The following ANPEP variants were observed in gnomAD, a reference collection of about 807,000 sequenced individuals.
The protein encoded by ANPEP is alanyl aminopeptidase, membrane.
Under a neutral mutation model 114.6 loss-of-function variants are expected in ANPEP, and 70 were observed. That is an observed-to-expected ratio of 0.61 (90% confidence interval 0.50 to 0.75). The LOEUF (loss-of-function observed/expected upper bound fraction) is 0.75. ANPEP is among the 30% of genes least tolerant of loss of function. ANPEP has a pLI of 0.00. For missense variants in ANPEP, 1,184 were observed against 1,259.5 expected (o/e 0.94, Z 0.91); for synonymous variants, 548 against 522.3 (o/e 1.05, Z -0.67).
rs25652 is a variant in ANPEP, at chr15:89,792,303, G to T, written c.2385C>A (p.Thr795=). 3.1e-6 allele frequency: 5 copies of T among 1,614,058 alleles called. No homozygotes were observed. The South Asian group carries it at 5.5e-5, about 18-fold the overall frequency. The change falls in exon 18 of 21, where the codon ACC becomes ACA. Residue 795 remains threonine, a synonymous_variant. Coordinates refer to ENST00000300060, the MANE Select transcript of ANPEP (RefSeq NM_001150.3). ...NNPIHPNLRS[T]VYCNAIAQGG... is the part of the protein sequence containing the mutation. ...CCTGGGCGATAGCGTTGCAGTAGACGGTGGACCGCAGGTTGGGGTGGATCC... is the reference window on the plus strand; with the variant it reads ...CCTGGGCGATAGCGTTGCAGTAGACTGTGGACCGCAGGTTGGGGTGGATCC...
intron 1 of ANPEP, among the ~76,000 whole-genome samples, chr15:89,810,162 G>A (rs573094770): frequency 1.1e-4 from 16 of 152,020 alleles, no homozygotes; most frequent in Non-Finnish European, 1.6e-4. Context: ...GGCAGATCAC[G>A]AGGTCAGGAG....
At chr15:89,790,871 G>T (rs1348597115) in intron 19 of ANPEP, 82 bp downstream of exon 19, 12 of 1,528,998 alleles carry the variant, frequency 7.8e-6, no homozygotes, top group Non-Finnish European at 9.7e-6. Flanking sequence ...TAGTGCCCCC[G>T]GCGTGTCTTA....
At chr15:89,793,918 C>T (rs1335205668) in intron 15 of ANPEP, among the ~76,000 whole-genome samples, 1 of 152,112 alleles carries the variant, frequency 6.6e-6, no homozygotes, top group Non-Finnish European at 1.5e-5. Flanking sequence ...GTAAGCCCCA[C>T]CCCATGCTAG....
chr15:89,801,879 T>A (rs1042649874), intron 10 of ANPEP, among the ~76,000 whole-genome samples: 1 of 151,798 alleles, frequency 6.6e-6, no homozygotes. Flanking sequence ...AGGGAGGGGG[T>A]GCCCAGGATG....
At chr15:89,798,407 C>T (rs1316978160) in intron 14 of ANPEP, among the ~76,000 whole-genome samples, 1 of 152,118 alleles carries the variant, frequency 6.6e-6, no homozygotes, top group Non-Finnish European at 1.5e-5. Context: ...GATGGCAAGG[C>T]AGGTGGATCA....
rs1301279053 is a variant in ANPEP, at chr15:89,790,883, C to A, written c.2669+70G>T. 2 of 1,573,412 alleles carry A rather than the reference C, an allele frequency of 1.3e-6. 1 individual carries two copies. The highest frequency in any genetic ancestry group is 1.7e-6 in the Non-Finnish European group (2 of 1,157,132). ...GGTTAGTGCCCCCGGCGTGTCTTAC[C>A]CGCACAGGCCACCCCCCGGGGCCCC... On this transcript the variant is annotated intron_variant, in intron 19 of 20. Coordinates refer to ENST00000300060, the MANE Select transcript of ANPEP (RefSeq NM_001150.3).
chr15:89,806,391 AGGTGGTGGCCGAGGCGGGGTT>A lies in ANPEP; in HGVS notation c.172_192del (p.Asn58_Thr64del), dbSNP rs753133058. On this transcript the variant is annotated inframe_deletion, in exon 2 of 21. Transcript: ENST00000300060. This position sits in a 1 kb window ranked among gnomAD's most constrained non-coding sequence, Gnocchi z 5.7. ...CGATTCCACGCTTTACTTTGGTCCA[AGGTGGTGGCCGAGGCGGGGTT>A]GGTGGTGGCTGAGGCGGACGGGGTG... is the stretch of plus-strand genomic sequence containing the variant. 5.6e-6 allele frequency: 9 copies of A among 1,613,918 alleles called. No individual in the cohort carries two copies. Among genetic ancestry groups the A allele is most frequent in the Non-Finnish European group, 7.6e-6 (9 of 1,179,964 alleles).
rs370051531 is a variant in ANPEP at position 89,803,637 on chromosome 15, C to T, written c.1437+10G>A. The T allele has an allele frequency of 1.6e-4, 255 of 1,607,558 alleles. 1 individual carries two copies. The African/African-American group carries it at 2.8e-3, about 17-fold the overall frequency. On this transcript the variant is annotated intron_variant, in intron 8 of 20. Coordinates refer to ENST00000300060, the MANE Select transcript of ANPEP (RefSeq NM_001150.3). The surrounding 1 kb of genome is among the most constrained non-coding windows in gnomAD (Gnocchi z 4.2). ...CTCCTTCCCCGTGCCCCACGAGGAG[C>T]GGGCTGCACCTTGCTGTAGGAGATG...
chr15:89,788,376 G>A (rs893300695), intron 20 of ANPEP, among the ~76,000 whole-genome samples: 1 of 152,180 alleles, frequency 6.6e-6, no homozygotes, highest in Admixed American at 6.5e-5. Context: ...ACACAAAAAG[G>A]CTGTGTGTAT....
chr15:89,805,930 C>G, intron 2 of ANPEP, 40 bp downstream of exon 2: 1 of 1,557,472 alleles, frequency 6.4e-7, no homozygotes, highest in Non-Finnish European at 8.7e-7. Flanking sequence ...TGCCTCAGCA[C>G]CTCGGATCCA....
rs1424269557 is a variant in ANPEP, at chr15:89,792,562, C to A, written c.2250G>T (p.Gln750His). The A allele has an allele frequency of 2.5e-6, 4 of 1,613,698 alleles. No individual in the cohort carries two copies. The African/African-American group carries it at 5.3e-5, about 22-fold the overall frequency. ...TGCTGATGGCATTAACCTCGCTGTA[C>A]CTGCCCCAGGGGTGACACGCGGTTA... is the stretch of plus-strand genomic sequence containing the variant. ...WREIPENLMD[Q>H]YSEVNAISTA... Residue 750 changes from glutamine to histidine, a missense_variant and splice_region_variant, in exon 17 of 21, where the codon CAG (glutamine) becomes CAT (histidine). Transcript: ENST00000300060.
At position 89,803,957 on chromosome 15, in the gene ANPEP, G is replaced by A. The variant is rs1567160589; in HGVS notation, c.1225C>T (p.Leu409=). 2 of 1,614,152 alleles carry A rather than the reference G, an allele frequency of 1.2e-6. No individual in the cohort carries two copies. Among genetic ancestry groups the A allele is most frequent in the East Asian group, 2.2e-5 (1 of 44,872 alleles). ...ACGTAGGAGGCGAAGCCCTCGTTCA[G>A]CCACAGGTCATTCCACCACTCTATG... ...VTIEWWNDLW[L]NEGFASYVEY... The change falls in exon 7 of 21, where the codon CTG becomes TTG. Residue 409 remains leucine, a synonymous_variant. Transcript: ENST00000300060. This position sits in a 1 kb window ranked among gnomAD's most constrained non-coding sequence, Gnocchi z 4.2.
chr15:89,797,213 C>T (rs1968744978), intron 15 of ANPEP, among the ~76,000 whole-genome samples: 1 of 152,230 alleles, frequency 6.6e-6, no homozygotes, highest in Admixed American at 6.5e-5. Context: ...AAAGACAGGT[C>T]TTCTGGCCCT....
chr15:89,805,515 G>A (rs1596169753), intron 2 of ANPEP, 52 bp from the exon 3 acceptor site: 2 of 1,604,156 alleles, frequency 1.2e-6, no homozygotes, highest in African/African-American at 1.3e-5. Flanking sequence ...GTGTGGGAGG[G>A]GCTCTGAGGA....
intron 2 of ANPEP, 32 bp downstream of exon 2, chr15:89,805,938 C>A: frequency 6.4e-7 from 1 of 1,560,546 alleles, no homozygotes; most frequent in Non-Finnish European, 8.7e-7. Flanking sequence ...CACCTCGGAT[C>A]CACCCCACCG....
intron 18 of ANPEP, among the ~76,000 whole-genome samples, chr15:89,791,597 C>CTTTTTTTTTTT (rs367563839): frequency 1.7e-5 from 2 of 121,138 alleles, no homozygotes; most frequent in Non-Finnish European, 3.4e-5. Flanking sequence ...GCCACCATGC[C>CTTTTTTTTTTT]TATTTTTTTT....
intron 4 of ANPEP, 192 bp downstream of exon 4, chr15:89,804,886 G>T (rs1342374226): frequency 1.1e-6 from 1 of 907,454 alleles, no homozygotes; most frequent in African/African-American, 1.7e-5. Context: ...TTCATGAAGA[G>T]AAACCATTGT....
At chr15:89,791,641 C>T (rs958289690) in intron 18 of ANPEP, among the ~76,000 whole-genome samples, 10 of 145,838 alleles carry the variant, frequency 6.9e-5, no homozygotes, top group East Asian at 2.0e-4. Flanking sequence ...TTAGTAGAGA[C>T]GGGGTTTCTC....
rs146360312 is a variant in ANPEP at position 89,803,442 on chromosome 15, C to T, written c.1503G>A (p.Ala501=). Reference sequence around the variant, plus strand: ...GGCTGGCCCAGGGTGCAGTACTCACCGCCAGGCCCTGCTTGAATACGTCCT... The same window carrying T: ...GGCTGGCCCAGGGTGCAGTACTCACTGCCAGGCCCTGCTTGAATACGTCCT... ...LSEDVFKQGL[A]SYLHTFAYQN... Residue 501 remains alanine (A), a splice_region_variant and synonymous_variant, in exon 9 of 21, where the codon GCG becomes GCA. Transcript: ENST00000300060. This position sits in a 1 kb window ranked among gnomAD's most constrained non-coding sequence, Gnocchi z 4.2. 7.3e-5 allele frequency: 118 copies of T among 1,606,146 alleles called. No homozygotes were observed. The highest frequency in any genetic ancestry group is 8.3e-5 in the Non-Finnish European group (98 of 1,176,378).
Sources: gnomAD v4.1 joint callset for allele counts (sites outside exome capture counted in the v4.1 genomes callset) on GRCh38, gnomAD v4.1.1 for gene constraint, Gnocchi (gnomAD v3.1) non-coding constraint, MANE v1.5 for transcripts, NCBI Gene and HGNC (gene_info 2026-07-23, HGNC 2026-07-21) for gene names.